The following FRMPD4 variants were observed in gnomAD, a reference collection of about 807,000 sequenced individuals.
The protein encoded by FRMPD4 is FERM and PDZ domain-containing protein 4.
A neutral mutation model predicts 94.1 loss-of-function variants in FRMPD4; 22 were observed. The observed-to-expected ratio is 0.23, with a 90% CI of 0.17 to 0.33. The LOEUF (loss-of-function observed/expected upper bound fraction) is 0.33, where lower values mean the gene tolerates loss of function less well. Ranked by LOEUF, FRMPD4 falls within the 10% of genes least tolerant of loss-of-function variation. FRMPD4 has a pLI of 1.00. For missense variants in FRMPD4, 1,111 were observed against 1,339.9 expected (o/e 0.83, Z 2.67); for synonymous variants, 631 against 548.6 (o/e 1.15, Z -2.10).
chrX:12,205,340 AT>A (rs1486091686), intron 1 of FRMPD4, among the ~76,000 whole-genome samples: 3 of 112,023 alleles, frequency 2.7e-5, no homozygotes, highest in Non-Finnish European at 5.6e-5. Context: ...AGGAATCAAC[AT>A]TGTATAAAAA....
chrX:12,129,636 G>T (rs1010206949), intron 3 of FRMPD4, among the ~76,000 whole-genome samples: 1 of 111,784 alleles, frequency 8.9e-6, no homozygotes, highest in African/African-American at 3.3e-5. Context: ...CTCATAGTTT[G>T]CTCAGACCCA....
intron 2 of FRMPD4, among the ~76,000 whole-genome samples, chrX:12,586,870 C>G (rs969412646): frequency 3.6e-5 from 4 of 111,918 alleles, no homozygotes; most frequent in Non-Finnish European, 5.6e-5. Flanking sequence ...CTTTCGTTTC[C>G]TTTAAGGATT....
chrX:12,715,527 A>G (rs2042062541), intron 14 of FRMPD4, among the ~76,000 whole-genome samples: 1 of 112,027 alleles, frequency 8.9e-6, no homozygotes. Flanking sequence ...TATCATTACA[A>G]CATTTATCTT....
intron 1 of FRMPD4, among the ~76,000 whole-genome samples, chrX:12,229,306 G>C (rs2056958455): frequency 8.9e-6 from 1 of 111,859 alleles, no homozygotes; most frequent in Admixed American, 9.5e-5. Context: ...TGGATCCACT[G>C]TGGGAATTCA....
At chrX:12,105,275 G>A (rs2055287563) in intron 3 of FRMPD4, among the ~76,000 whole-genome samples, 1 of 112,068 alleles carries the variant, frequency 8.9e-6, no homozygotes, top group Non-Finnish European at 1.9e-5. Flanking sequence ...CATACCTGCA[G>A]CATCATGTTA....
chrX:12,694,199 T>C, intron 8 of FRMPD4, 136 bp from the exon 9 acceptor site: 1 of 466,213 alleles, frequency 2.1e-6, no homozygotes, highest in East Asian at 3.5e-5. Context: ...TTTCAGGGAA[T>C]GAGTATCTAT....
chrX:12,583,076 G>A (rs773144719), intron 2 of FRMPD4, among the ~76,000 whole-genome samples: 10 of 111,413 alleles, frequency 9.0e-5, no homozygotes, highest in Non-Finnish European at 1.9e-4. Context: ...AAAACCCTGT[G>A]GCACCCTCAT....
rs547675717 is a variant in FRMPD4 at position 12,533,232 on chromosome X, T to A, written c.158+34436T>A. Reference sequence around the variant, plus strand: ...GGAGTTCCCTGCACAAGCTCTCTTGTCTGCCACCACGTGAGACCTGCCTTT... The same window carrying A: ...GGAGTTCCCTGCACAAGCTCTCTTGACTGCCACCACGTGAGACCTGCCTTT... On this transcript the variant is annotated intron_variant, in intron 2 of 16. Coordinates refer to ENST00000675598, the MANE Select transcript of FRMPD4 (RefSeq NM_001368397.1). Among the ~76,000 whole-genome samples the A allele has an allele frequency of 2.0e-3, 220 of 112,257 alleles. 2 individuals are homozygous for A. Among genetic ancestry groups the A allele is most frequent in the South Asian group, 6.0e-3 (16 of 2,649 alleles).
intron 1 of FRMPD4, among the ~76,000 whole-genome samples, chrX:12,270,377 G>C (rs1244751541): frequency 9.0e-6 from 1 of 111,604 alleles, no homozygotes; most frequent in East Asian, 2.8e-4. Flanking sequence ...CCATCTGGTT[G>C]ATTCATATCT....
rs140428359 is a variant in FRMPD4, at chrX:12,706,846, G to A, written c.1218G>A (p.Lys406=). The A allele has an allele frequency of 4.4e-4, 512 of 1,176,031 alleles. 2 individuals carry two copies. Among genetic ancestry groups the A allele is most frequent in the Middle Eastern group, 7.1e-4 (3 of 4,253 alleles). ...PGKKLSALQA[K]VHYLKFLSDL... ...CTCAGCTCTCTGCACTACAAGCCAA[G>A]GTCCATTATCTCAAGTTCCTCAGTG... Residue 406 remains lysine (K), a synonymous_variant, in exon 12 of 17, where the codon AAG becomes AAA. Transcript: ENST00000675598.
chrX:12,404,997 T>C (rs2056651142), intron 1 of FRMPD4, among the ~76,000 whole-genome samples: 1 of 111,488 alleles, frequency 9.0e-6, no homozygotes, highest in Admixed American at 9.6e-5. Flanking sequence ...AACTGTAGAA[T>C]GCTGAGGCCT....
At chrX:12,561,968 A>AT (rs1048434268) in intron 2 of FRMPD4, among the ~76,000 whole-genome samples, 28 of 112,264 alleles carry the variant, frequency 2.5e-4, no homozygotes, top group East Asian at 8.4e-4. Context: ...AACTGGGGAG[A>AT]TTTTTTTCTG....
chrX:12,138,998 T>G lies in FRMPD4; in HGVS notation c.27T>G (p.Ile9Met), dbSNP rs148929583. 3.4e-6 allele frequency: 4 copies of G among 1,169,033 alleles called. No homozygotes were observed. The highest frequency in any genetic ancestry group is 4.6e-6 in the Non-Finnish European group (4 of 873,930). The stretch of plus-strand genomic sequence containing the variant: ...TGGATGTCTTCAGCTTTGTGAAGAT[T>G]GCAAAGCTTTCGAGGTAGGGGCTGC... MDVFSFVK[I>M]AKLSSHRTKS... Residue 9 changes from isoleucine (I) to methionine (M), a missense_variant, in exon 1 of 17, where the codon ATT becomes ATG. Around this residue, in one of 8 missense-constraint regions of FRMPD4, gnomAD observed 140 missense variants for 165.9 expected, o/e 0.84. Coordinates refer to ENST00000675598, the MANE Select transcript of FRMPD4 (RefSeq NM_001368397.1).
At chrX:12,228,460 C>A (rs2056948208) in intron 1 of FRMPD4, among the ~76,000 whole-genome samples, 1 of 111,692 alleles carries the variant, frequency 9.0e-6, no homozygotes, top group African/African-American at 3.3e-5. Flanking sequence ...TCAGTGATAC[C>A]CATTGCTTTA....
chrX:12,648,988 C>T (rs1400396820), intron 4 of FRMPD4, among the ~76,000 whole-genome samples: 1 of 112,350 alleles, frequency 8.9e-6, no homozygotes, highest in Non-Finnish European at 1.9e-5. Flanking sequence ...ATAACTTGAA[C>T]TGAAATGGCT....
Position 12,290,663 on chromosome X carries a change from A to T in FRMPD4, c.41+151651A>T, listed in dbSNP as rs575922248. Among the ~76,000 whole-genome samples the T allele has an allele frequency of 1.2e-4, 14 of 112,066 alleles. No individual in the cohort carries two copies. In the South Asian group the frequency reaches 4.9e-3, roughly 39 times the overall value. On this transcript the variant is annotated intron_variant, in intron 1 of 16. Transcript: ENST00000675598. ...TTTTCTTTAATATTGTGTAGTACTC[A>T]TATTTATATTTCTATTCTTTCTATT... is the stretch of plus-strand genomic sequence containing the variant.
At chrX:12,596,158 G>A (rs1356906367) in intron 2 of FRMPD4, among the ~76,000 whole-genome samples, 1 of 110,980 alleles carries the variant, frequency 9.0e-6, no homozygotes, top group East Asian at 2.8e-4. Flanking sequence ...TCTTTCTCTG[G>A]GTGTCTCTCA....
At chrX:11,912,469 A>T (rs1276144871) in intron 3 of FRMPD4, among the ~76,000 whole-genome samples, 1 of 112,364 alleles carries the variant, frequency 8.9e-6, no homozygotes, top group Admixed American at 9.4e-5. Flanking sequence ...AATAACACAT[A>T]AAAGAAATAT....
rs531116063 is a variant in FRMPD4, at chrX:12,187,311, A to G, written c.41+48299A>G. Among the ~76,000 whole-genome samples the G allele has an allele frequency of 3.5e-4, 39 of 111,265 alleles. No homozygotes were observed. In the Middle Eastern group the frequency reaches 0.023, roughly 66 times the overall value. On this transcript the variant is annotated intron_variant, in intron 1 of 16. Transcript: ENST00000675598. ...CCTTTCATAAATGCTGCTTTACATT[A>G]TCAACCATAATGCATTATATTTTAG... is the stretch of plus-strand genomic sequence containing the variant.
Sources: gnomAD v4.1 joint callset for allele counts (sites outside exome capture counted in the v4.1 genomes callset) on GRCh38, gnomAD v4.1.1 for gene constraint, gnomAD v4.1.1 regional missense constraint, MANE v1.5 for transcripts, NCBI Gene and HGNC (gene_info 2026-07-23, HGNC 2026-07-21) for gene names.